The following CYRIB variants were observed in gnomAD, a reference collection of about 807,000 sequenced individuals.
The protein encoded by CYRIB is CYFIP related Rac1 interactor B, also known as CYFIP-related Rac1 interactor B.
Under a neutral mutation model 44.2 loss-of-function variants are expected in CYRIB, and 8 were observed. The ratio of observed to expected loss-of-function variants is 0.18; its 90% CI spans 0.11 to 0.33. CYRIB has a LOEUF of 0.33. Among genes scored for constraint, CYRIB ranks in the 10% least tolerant of loss-of-function variants. The pLI is 1.00. For missense variants in CYRIB, 185 were observed against 382.8 expected (o/e 0.48, Z 4.31); for synonymous variants, 131 against 127.2 (o/e 1.03, Z -0.20).
intron 2 of CYRIB, among the ~76,000 whole-genome samples, chr8:129,967,372 T>G (rs984038597): frequency 3.5e-5 from 5 of 142,844 alleles, no homozygotes; most frequent in African/African-American, 1.2e-4. Flanking sequence ...TTTTGTTTTG[T>G]TTTTTTGTTT....
chr8:130,015,939 G>A (rs983018318), intron 1 of CYRIB, among the ~76,000 whole-genome samples: 5 of 152,092 alleles, frequency 3.3e-5, no homozygotes, highest in Non-Finnish European at 7.4e-5. Context: ...GAGGTGGCCG[G>A]GGGCCAGCGC....
At chr8:129,997,092 G>A (rs184484330) in intron 1 of CYRIB, among the ~76,000 whole-genome samples, 14,985 of 101,808 alleles carry the variant, frequency 0.15, 879 homozygotes, top group East Asian at 0.27. Flanking sequence ...GAGGGAAGGA[G>A]GGAGGGAAGG....
At chr8:129,944,531 C>A (rs557071744), upstream of CYRIB, among the ~76,000 whole-genome samples, 13 of 152,190 alleles carry the variant, frequency 8.5e-5, no homozygotes, top group East Asian at 2.5e-3. Context: ...GTCTGTAATC[C>A]CAGCAGTGTG....
chr8:129,911,221 C>T (rs1436306737), intron 1 of CYRIB, among the ~76,000 whole-genome samples: 1 of 152,096 alleles, frequency 6.6e-6, no homozygotes, highest in Non-Finnish European at 1.5e-5. Flanking sequence ...TCACATAAGC[C>T]TGTGAACCTA....
chr8:129,842,279 C>G, intron 11 of CYRIB, 74 bp from the exon 14 acceptor site: 1 of 1,059,698 alleles, frequency 9.4e-7, no homozygotes, highest in African/African-American at 1.6e-5. Context: ...CTAATTATGA[C>G]AGGATGGAGA....
At chr8:129,897,260 T>A (rs1184240134) in intron 2 of CYRIB, among the ~76,000 whole-genome samples, 1 of 152,198 alleles carries the variant, frequency 6.6e-6, no homozygotes, top group Non-Finnish European at 1.5e-5. Context: ...TCTACATGAC[T>A]TAAATTTTAG....
At chr8:129,996,863 G>T (rs1052602959) in intron 1 of CYRIB, among the ~76,000 whole-genome samples, 15 of 151,734 alleles carry the variant, frequency 9.9e-5, no homozygotes, top group Non-Finnish European at 1.6e-4. Flanking sequence ...AGAAAGAAAA[G>T]GATTCCTAAC....
intron 1 of CYRIB, among the ~76,000 whole-genome samples, chr8:130,001,452 C>G (rs1321190628): frequency 6.6e-6 from 1 of 152,072 alleles, no homozygotes; most frequent in African/African-American, 2.4e-5. Flanking sequence ...TACATGAAGC[C>G]CCCAAACAGA....
intron 1 of CYRIB, among the ~76,000 whole-genome samples, chr8:129,911,683 A>C (rs1163401362): frequency 6.6e-6 from 1 of 151,904 alleles, no homozygotes; most frequent in Non-Finnish European, 1.5e-5. Flanking sequence ...CAAAAAAAAA[A>C]CAAAAATAAA....
At chr8:129,888,126 G>A (rs1233301545) in intron 2 of CYRIB, among the ~76,000 whole-genome samples, 1 of 152,188 alleles carries the variant, frequency 6.6e-6, no homozygotes, top group Non-Finnish European at 1.5e-5. Context: ...AGCCTGCTGG[G>A]AGGAGACTGG....
chr8:129,852,064 G>T, intron 8 of CYRIB, 98 bp downstream of exon 10: 1 of 662,776 alleles, frequency 1.5e-6, no homozygotes, highest in Non-Finnish European at 2.4e-6. Flanking sequence ...GAGTCTGTTG[G>T]TTTCAAGATG....
intron 1 of CYRIB, chr8:130,004,669 G>A (rs2096993519): frequency 6.6e-6 from 1 of 151,280 alleles, no homozygotes; most frequent in Middle Eastern, 3.2e-3. Flanking sequence ...TTTCTTTTAT[G>A]CATTGACTCA....
At chr8:129,866,092 A>T (rs900702021) in intron 4 of CYRIB, among the ~76,000 whole-genome samples, 1 of 152,208 alleles carries the variant, frequency 6.6e-6, no homozygotes, top group Admixed American at 6.5e-5. Context: ...TGAAGCCAGT[A>T]TAAGTTCCTG....
chr8:130,006,241 T>G (rs1465691333), intron 1 of CYRIB, among the ~76,000 whole-genome samples: 3 of 151,732 alleles, frequency 2.0e-5, no homozygotes, highest in Non-Finnish European at 2.9e-5. Context: ...AAGCGGAGGT[T>G]GCAGTGAGCC....
chr8:129,969,094 A>G (rs1331429418), intron 2 of CYRIB, among the ~76,000 whole-genome samples: 1 of 131,592 alleles, frequency 7.6e-6, no homozygotes, highest in African/African-American at 2.9e-5. Context: ...GCTCACTGCA[A>G]CTTTCCCCTC....
At chr8:129,901,754 G>C (rs2072171099) in intron 2 of CYRIB, 1 of 152,112 alleles carries the variant, frequency 6.6e-6, no homozygotes, top group Admixed American at 6.5e-5. Flanking sequence ...CTATGAATTT[G>C]TCATTAATAG....
At chr8:129,904,339 G>T (rs1381030350) in intron 1 of CYRIB, among the ~76,000 whole-genome samples, 160 bp downstream of exon 3, 3 of 152,016 alleles carry the variant, frequency 2.0e-5, no homozygotes, top group Non-Finnish European at 2.9e-5. Context: ...AAATTTGAAG[G>T]TGTTAACACC....
intron 1 of CYRIB, among the ~76,000 whole-genome samples, chr8:129,982,313 T>C (rs1362011670): frequency 1.3e-5 from 2 of 152,224 alleles, no homozygotes; most frequent in Admixed American, 6.5e-5. Context: ...GTCTGAACTA[T>C]CCAATACCTT....
At chr8:129,873,880 A>G (rs2058231234) in intron 3 of CYRIB, among the ~76,000 whole-genome samples, 1 of 152,034 alleles carries the variant, frequency 6.6e-6, no homozygotes, top group African/African-American at 2.4e-5. Flanking sequence ...CAGCACCACA[A>G]TGATTAAACA....
Sources: allele counts gnomAD v4.1 joint callset (sites outside exome capture counted in the v4.1 genomes callset), GRCh38; gene constraint gnomAD v4.1.1; transcripts MANE v1.5; gene names NCBI Gene and HGNC (gene_info 2026-07-23, HGNC 2026-07-21).